Variants in SLC6A20 observed in about 807,000 individuals in gnomAD.
SLC6A20 encodes the protein sodium- and chloride-dependent transporter XTRP3.
SLC6A20 carries 73 observed loss-of-function variants against 64.3 expected under a neutral mutation model. The observed-to-expected ratio is 1.14, with a 90% CI of 0.94 to 1.38. The LOEUF is 1.38. SLC6A20 is among the 40% of genes most tolerant of loss of function. SLC6A20 has a pLI of 0.00. For synonymous variants in SLC6A20, 347 were observed against 329.6 expected (o/e 1.05, Z -0.57); for missense variants, 725 against 772.8 (o/e 0.94, Z 0.73).
At position 45,765,498 on chromosome 3, in the gene SLC6A20, T is replaced by C; in HGVS notation, c.1303+39A>G. 1 of 1,585,920 alleles carries C rather than the reference T, an allele frequency of 6.3e-7. No individual in the cohort carries two copies. Among genetic ancestry groups the C allele is most frequent in the Non-Finnish European group, 8.6e-7 (1 of 1,166,546 alleles). Reference sequence around the variant, plus strand: ...CCTGTTCACCCCCACGCCTTGGCCCTCCTGACCCCTGCCTCCTCCACTGGC... The same window carrying C: ...CCTGTTCACCCCCACGCCTTGGCCCCCCTGACCCCTGCCTCCTCCACTGGC... On this transcript the variant is annotated intron_variant, in intron 8 of 10. Transcript: ENST00000358525. The surrounding 1 kb of genome is among the most constrained non-coding windows in gnomAD (Gnocchi z 4.2).
chr3:45,758,738 G>C lies in SLC6A20; in HGVS notation c.*240C>G. On this transcript the variant is annotated 3_prime_UTR_variant, in exon 11 of 11. Coordinates refer to ENST00000358525, the MANE Select transcript of SLC6A20 (RefSeq NM_020208.4). ...AAGGATGCAGTTATCTTTGAGACCG[G>C]CTTTCATAGCCCACCCCCTTCCATG... The C allele has an allele frequency of 7.7e-7, 1 of 1,290,500 alleles. No homozygotes were observed. Among genetic ancestry groups the C allele is most frequent in the Non-Finnish European group, 9.8e-7 (1 of 1,019,972 alleles). 79.9% of individuals were successfully genotyped at this position (1,290,500 alleles called of 1,614,324 possible). A position where few individuals can be genotyped will look rare whatever the true frequency, so the allele number is the denominator to read the frequency against.
chr3:45,791,729 C>A (rs2125658531), intron 1 of SLC6A20: 1 of 155,154 alleles, frequency 6.4e-6, no homozygotes, highest in African/African-American at 2.4e-5. Context: ...TCTTACATGA[C>A]TGGAGCAGGA....
intron 9 of SLC6A20, among the ~76,000 whole-genome samples, chr3:45,762,004 G>T (rs1053336599): frequency 6.6e-6 from 1 of 152,196 alleles, no homozygotes; most frequent in East Asian, 1.9e-4. Flanking sequence ...GGATCAAAAA[G>T]ACTGGGGAAG....
In SLC6A20 at chr3:45,759,971, C is replaced by T; in HGVS notation, c.1515G>A (p.Trp505Ter). 4 of 1,614,160 alleles carry T rather than the reference C, an allele frequency of 2.5e-6. No homozygotes were observed. The highest frequency in any genetic ancestry group is 2.2e-5 in the East Asian group (1 of 44,874). ...GGCTTACGCCAGCCCACATCACCTTCCAGTACCAGCTCACAGCTCGGCCGG... is the reference window on the plus strand; with the variant it reads ...GGCTTACGCCAGCCCACATCACCTTTCAGTACCAGCTCACAGCTCGGCCGG... ...AMTGRAVSWY[W>*]KVMWAGVSPL... Residue 505 changes from tryptophan to a stop codon, truncating the protein, a stop_gained, in exon 10 of 11, where the codon TGG becomes TGA. Transcript: ENST00000358525. LOFTEE classifies it high-confidence loss of function.
At chr3:45,762,643 G>T (rs1348608215) in intron 9 of SLC6A20, among the ~76,000 whole-genome samples, 1 of 152,230 alleles carries the variant, frequency 6.6e-6, no homozygotes, top group Non-Finnish European at 1.5e-5. Flanking sequence ...AGTAAGCTGT[G>T]GGGGTCCAGC....
intron 1 of SLC6A20, among the ~76,000 whole-genome samples, chr3:45,784,111 G>C (rs148417287): frequency 6.6e-6 from 1 of 152,198 alleles, no homozygotes; most frequent in Non-Finnish European, 1.5e-5. Flanking sequence ...GGGTCTGACT[G>C]CCCAGTGCCC....
Position 45,758,754 on chromosome 3 carries a change from C to G in SLC6A20, c.*224G>C, listed in dbSNP as rs980858829. ...TTGAGACCGGCTTTCATAGCCCACC[C>G]CCTTCCATGATGAGGAGGCAGGTGA... is the stretch of plus-strand genomic sequence containing the variant. On this transcript the variant is annotated 3_prime_UTR_variant, in exon 11 of 11. Coordinates refer to ENST00000358525, the MANE Select transcript of SLC6A20 (RefSeq NM_020208.4). The G allele has an allele frequency of 7.6e-7, 1 of 1,321,540 alleles. No homozygotes were observed. Among genetic ancestry groups the G allele is most frequent in the African/African-American group, 1.5e-5 (1 of 66,018 alleles). 81.9% of individuals were successfully genotyped at this position (1,321,540 alleles called of 1,614,324 possible).
At chr3:45,762,082 C>T (rs1699694153) in intron 9 of SLC6A20, among the ~76,000 whole-genome samples, 1 of 152,234 alleles carries the variant, frequency 6.6e-6, no homozygotes, top group African/African-American at 2.4e-5. Flanking sequence ...GCTGCCCAAA[C>T]TGTGATGTGC....
At chr3:45,766,916 T>C (rs994523845) in intron 7 of SLC6A20, among the ~76,000 whole-genome samples, 1 of 152,182 alleles carries the variant, frequency 6.6e-6, no homozygotes, top group African/African-American at 2.4e-5. Flanking sequence ...GGTGGGAGGA[T>C]CACTTGAGCT....
chr3:45,771,417 G>A lies in SLC6A20; in HGVS notation c.735C>T (p.Ala245=). ...LANPKAWINA[A]TQIFFSLGLG... Reference sequence around the variant, plus strand: ...GGCCAAGTGAGAAGAAGATCTGGGTGGCTGCATTGATCCAGGCCTTGGGGT... The same window carrying A: ...GGCCAAGTGAGAAGAAGATCTGGGTAGCTGCATTGATCCAGGCCTTGGGGT... Residue 245 remains alanine, a synonymous_variant, in exon 6 of 11, where the codon GCC becomes GCT. Coordinates refer to ENST00000358525, the MANE Select transcript of SLC6A20 (RefSeq NM_020208.4). 1 of 1,614,248 alleles carries A rather than the reference G, an allele frequency of 6.2e-7. No individual in the cohort carries two copies. Among genetic ancestry groups the A allele is most frequent in the Non-Finnish European group, 8.5e-7 (1 of 1,180,056 alleles).
At chr3:45,779,905 A>C in intron 3 of SLC6A20, 104 bp downstream of exon 3, 1 of 1,235,588 alleles carries the variant, frequency 8.1e-7, no homozygotes. Flanking sequence ...CCCCGCCCCG[A>C]GGCTGCTCAC....
chr3:45,762,828 A>G, intron 9 of SLC6A20, 85 bp downstream of exon 9: 1 of 1,541,842 alleles, frequency 6.5e-7, no homozygotes, highest in Non-Finnish European at 8.9e-7. Flanking sequence ...GAAGATGTGC[A>G]TCAAGAAACA....
At chr3:45,776,767 G>A (rs1249673932) in intron 3 of SLC6A20, among the ~76,000 whole-genome samples, 1 of 152,230 alleles carries the variant, frequency 6.6e-6, no homozygotes, top group East Asian at 1.9e-4. Flanking sequence ...AACAAGCAGA[G>A]GCTGTTTACT....
chr3:45,784,587 C>T (rs370189193), intron 1 of SLC6A20, among the ~76,000 whole-genome samples: 152 of 152,148 alleles, frequency 1.0e-3, no homozygotes, highest in Non-Finnish European at 1.4e-3. Context: ...TTGCAAAACA[C>T]GCATCTTGAG....
In SLC6A20 at chr3:45,775,927, C is replaced by T; in HGVS notation, c.416G>A (p.Cys139Tyr). The change falls in exon 4 of 11, where the codon TGT becomes TAT. Residue 139 changes from cysteine to tyrosine, a missense_variant. Coordinates refer to ENST00000358525, the MANE Select transcript of SLC6A20 (RefSeq NM_020208.4). ...GTACTGTGTGGAGGACGCCTTCTCA[C>T]ACTCCTCATCGTAGCCCGTGTGGTT... Reference protein sequence around the residue: ...NGNHTGYDEECEKASSTQYFW... With the variant: ...NGNHTGYDEEYEKASSTQYFW... 1 of 1,614,198 alleles carries T rather than the reference C, an allele frequency of 6.2e-7. No individual in the cohort carries two copies. The highest frequency in any genetic ancestry group is 8.5e-7 in the Non-Finnish European group (1 of 1,180,024).
intron 2 of SLC6A20, 60 bp downstream of exon 2, chr3:45,782,023 C>T (rs994935738): frequency 2.3e-5 from 34 of 1,504,410 alleles, no homozygotes; most frequent in Admixed American, 4.5e-5. Context: ...TGGGATCCCA[C>T]CCACACCCCC....
intron 1 of SLC6A20, among the ~76,000 whole-genome samples, chr3:45,785,497 C>T (rs1575436372): frequency 6.6e-6 from 1 of 152,178 alleles, no homozygotes; most frequent in East Asian, 1.9e-4. Context: ...CGTTGAACAT[C>T]GGACTGCAAG....
chr3:45,771,335 G>A lies in SLC6A20; in HGVS notation c.817C>T (p.Gln273Ter). Residue 273 changes from glutamine (Q) to a stop codon, truncating the protein, a stop_gained, in exon 6 of 11, where the codon CAG becomes TAG. Transcript: ENST00000358525. LOFTEE classifies it high-confidence loss of function. ...ASYNEPSNNC[Q>*]KHAIIVSLIN... ...AGGGACACGATGATGGCGTGCTTCT[G>A]GCAGTTGTTGGATGGCTCATTGTAG... 6.2e-7 allele frequency: 1 copy of A among 1,614,258 alleles called. No homozygotes were observed. The highest frequency in any genetic ancestry group is 8.5e-7 in the Non-Finnish European group (1 of 1,180,050).
intron 8 of SLC6A20, 77 bp from the exon 9 acceptor site, chr3:45,763,149 G>A: frequency 6.4e-7 from 1 of 1,574,658 alleles, no homozygotes. Flanking sequence ...CAGGACAGTG[G>A]GGTCGTCGGC....
Sources: allele counts gnomAD v4.1 joint callset (sites outside exome capture counted in the v4.1 genomes callset), GRCh38; gene constraint gnomAD v4.1.1; non-coding constraint Gnocchi (gnomAD v3.1); transcripts MANE v1.5; gene names NCBI Gene and HGNC (gene_info 2026-07-23, HGNC 2026-07-21).